KDM2A: variants seen among roughly 807,000 people sequenced by gnomAD.
KDM2A encodes the protein lysine-specific demethylase 2A.
Under a neutral mutation model 137.3 loss-of-function variants are expected in KDM2A, and 3 were observed. The observed-to-expected ratio is 0.02, with a 90% CI of 0.01 to 0.06. The LOEUF is 0.06. Ranked by LOEUF, KDM2A falls within the 10% of genes least tolerant of loss-of-function variation. The probability of loss-of-function intolerance (pLI) is 1.00; values close to 1 mark genes in which losing one functional copy is unlikely to be tolerated. For synonymous variants in KDM2A, 512 were observed against 541.5 expected (o/e 0.95, Z 0.76); for missense variants, 738 against 1,510.6 (o/e 0.49, Z 8.48).
At chr11:67,231,543 G>A (rs1395440652) in intron 11 of KDM2A, 23 bp from the exon 12 acceptor site, 29 of 1,556,566 alleles carry the variant, frequency 1.9e-5, no homozygotes, top group Non-Finnish European at 2.4e-5. Context: ...TGTTCTTACT[G>A]CATTTTTTCT....
intron 5 of KDM2A, among the ~76,000 whole-genome samples, chr11:67,194,502 A>G (rs1283248532): frequency 6.6e-6 from 1 of 152,226 alleles, no homozygotes; most frequent in Non-Finnish European, 1.5e-5. Context: ...GTGGACCCTG[A>G]AAACATTATC....
At chr11:67,130,453 T>C (rs892689931) in intron 2 of KDM2A, among the ~76,000 whole-genome samples, 2 of 152,200 alleles carry the variant, frequency 1.3e-5, no homozygotes, top group Non-Finnish European at 2.9e-5. Context: ...CCTTAAGCTC[T>C]CCTGTTCTAA....
In KDM2A at chr11:67,246,017, C is replaced by T. The variant is rs749894685; in HGVS notation, c.1866C>T (p.Leu622=). The T allele has an allele frequency of 4.3e-6, 7 of 1,614,024 alleles. No individual in the cohort carries two copies. Among genetic ancestry groups the T allele is most frequent in the South Asian group, 1.1e-5 (1 of 91,086 alleles). ...PRLPHSVTCS[L]CGEVDQNEET... ...TGCCTCACTCAGTCACATGTTCCCTCTGTGGAGAGGTGGATCAGAATGAAG... is the reference window on the plus strand; with the variant it reads ...TGCCTCACTCAGTCACATGTTCCCTTTGTGGAGAGGTGGATCAGAATGAAG... The change falls in exon 15 of 21, where the codon CTC becomes CTT. Residue 622 remains leucine (L), a synonymous_variant. Transcript: ENST00000529006.
chr11:67,123,438 A>G (rs896537166), intron 2 of KDM2A, among the ~76,000 whole-genome samples: 4 of 152,094 alleles, frequency 2.6e-5, no homozygotes, highest in African/African-American at 9.7e-5. Flanking sequence ...CTAACTTTGT[A>G]GAAATTAAGC....
intron 17 of KDM2A, among the ~76,000 whole-genome samples, chr11:67,251,192 A>G (rs1177818404): frequency 6.6e-6 from 1 of 152,180 alleles, no homozygotes; most frequent in Non-Finnish European, 1.5e-5. Flanking sequence ...TGGTGCTGAT[A>G]ACACAGATAA....
At chr11:67,177,926 A>C (rs1857005363) in intron 2 of KDM2A, among the ~76,000 whole-genome samples, 1 of 152,182 alleles carries the variant, frequency 6.6e-6, no homozygotes, top group Non-Finnish European at 1.5e-5. Flanking sequence ...CTAAGAGATA[A>C]GCATTTTTTA....
At position 67,243,051 on chromosome 11, in the gene KDM2A, C is replaced by T. The variant is rs773662076; in HGVS notation, c.1522C>T (p.Leu508Phe). The T allele has an allele frequency of 2.8e-5, 45 of 1,613,692 alleles. No homozygotes were observed. The Admixed American group carries it at 4.0e-4, about 14-fold the overall frequency. ...ELANSDPKLALTGVPIVQWPK... is the reference protein window; with the variant it reads ...ELANSDPKLAFTGVPIVQWPK... ...TGCCAACAGCGATCCCAAGTTAGCC[C>T]TCACTGGAGTTCCTATAGTACAGTG... The change falls in exon 13 of 21, where the codon CTC becomes TTC. Residue 508 changes from leucine (L) to phenylalanine (F), a missense_variant. Transcript: ENST00000529006.
At chr11:67,158,238 A>G (rs757339138) in intron 2 of KDM2A, among the ~76,000 whole-genome samples, 3 of 152,296 alleles carry the variant, frequency 2.0e-5, no homozygotes, top group South Asian at 2.1e-4. Flanking sequence ...TGGTTCCTCC[A>G]TGTCTCTTTG....
intron 11 of KDM2A, among the ~76,000 whole-genome samples, chr11:67,231,218 TA>T (rs1055431814): frequency 6.6e-6 from 1 of 152,140 alleles, no homozygotes; most frequent in African/African-American, 2.4e-5. Flanking sequence ...TTTTAAAAGG[TA>T]ATGAAATAAT....
intron 13 of KDM2A, among the ~76,000 whole-genome samples, chr11:67,244,766 A>T (rs1016855788): frequency 6.6e-6 from 1 of 152,138 alleles, no homozygotes; most frequent in African/African-American, 2.4e-5. Flanking sequence ...CGGGCAGATC[A>T]CGAGGTCAGG....
At chr11:67,169,759 C>CTCTCTCTCTCTCTCTCTCTCTCT (rs756503460) in intron 2 of KDM2A, among the ~76,000 whole-genome samples, 1 of 65,696 alleles carries the variant, frequency 1.5e-5, no homozygotes, top group Non-Finnish European at 2.4e-5. Flanking sequence ...CTCTCTCTCT[C>CTCTCTCTCTCTCTCTCTCTCTCT]TTTTTTTTTT....
chr11:67,121,228 C>T lies in KDM2A; in HGVS notation c.-83-6C>T. On this transcript the variant is annotated splice_polypyrimidine_tract_variant and splice_region_variant and intron_variant, in intron 1 of 20. Coordinates refer to ENST00000529006, the MANE Select transcript of KDM2A (RefSeq NM_012308.3). ...TCTCATTTCTGCTTATATCATTATT[C>T]TTTAGTGTTGCAATCTGGTTCCTAA... 2 of 904,448 alleles carry T rather than the reference C, an allele frequency of 2.2e-6. No individual in the cohort carries two copies. Among genetic ancestry groups the T allele is most frequent in the Non-Finnish European group, 3.6e-6 (2 of 548,824 alleles). The allele number at this position is 904,448 out of a possible 1,614,324, so 56.0% of individuals were successfully genotyped here. A position where few individuals can be genotyped will look rare whatever the true frequency, so the allele number is the denominator to read the frequency against.
chr11:67,135,414 T>C (rs1045863516), intron 2 of KDM2A, among the ~76,000 whole-genome samples: 1 of 152,106 alleles, frequency 6.6e-6, no homozygotes, highest in Non-Finnish European at 1.5e-5. Context: ...GAGATAAAAG[T>C]TGTGGTGCTG....
At chr11:67,171,631 C>G (rs12420594) in intron 2 of KDM2A, among the ~76,000 whole-genome samples, 5,606 of 152,332 alleles carry the variant, frequency 0.037, 432 homozygotes, top group Admixed American at 0.18. Flanking sequence ...CTTGGGTCAG[C>G]TTTACCTTTC....
chr11:67,125,265 C>T (rs1175397447), intron 2 of KDM2A, among the ~76,000 whole-genome samples: 1 of 151,304 alleles, frequency 6.6e-6, no homozygotes, highest in Non-Finnish European at 1.5e-5. Context: ...ATTGCAGCCT[C>T]GACATCCTGG....
Position 67,250,352 on chromosome 11 carries a change from G to A in KDM2A, c.2322G>A (p.Arg774=). The change falls in exon 17 of 21, where the codon CGG becomes CGA. Residue 774 remains arginine, a synonymous_variant. Coordinates refer to ENST00000529006, the MANE Select transcript of KDM2A (RefSeq NM_012308.3). The surrounding 1 kb of genome is among the most constrained non-coding windows in gnomAD (Gnocchi z 7.1). ...AGGCCACAGAGCGCACCATGGTACG[G>A]GAAAAGGAGAACAATCCCAGCGGCA... ...RLQATERTMV[R]EKENNPSGKK... 6.2e-7 allele frequency: 1 copy of A among 1,613,958 alleles called. No individual in the cohort carries two copies. The highest frequency in any genetic ancestry group is 8.5e-7 in the Non-Finnish European group (1 of 1,179,894).
intron 5 of KDM2A, among the ~76,000 whole-genome samples, chr11:67,189,136 A>G (rs756805805): frequency 6.6e-6 from 1 of 152,212 alleles, no homozygotes; most frequent in Non-Finnish European, 1.5e-5. Flanking sequence ...TATGTAGGAC[A>G]TTTTCCAGGA....
intron 5 of KDM2A, among the ~76,000 whole-genome samples, chr11:67,192,924 G>A (rs1293173744): frequency 6.6e-6 from 1 of 152,144 alleles, no homozygotes; most frequent in Non-Finnish European, 1.5e-5. Flanking sequence ...TCAAGTAGGA[G>A]AGTGTCCTTT....
chr11:67,245,097 G>A lies in KDM2A; in HGVS notation c.1564-92G>A. The A allele has an allele frequency of 6.9e-7, 1 of 1,450,826 alleles. No individual in the cohort carries two copies. Among genetic ancestry groups the A allele is most frequent in the Non-Finnish European group, 9.4e-7 (1 of 1,068,128 alleles). 89.9% of individuals were successfully genotyped at this position (1,450,826 alleles called of 1,614,324 possible). On this transcript the variant is annotated intron_variant, in intron 13 of 20. Transcript: ENST00000529006. This position sits in a 1 kb window ranked among gnomAD's most constrained non-coding sequence, Gnocchi z 4.1. The stretch of plus-strand genomic sequence containing the variant: ...GGCAGATCTGGCCATAGTGGGCCAA[G>A]CCCCAGGCTAGGTATGCTACCATGT...
Sources: allele counts gnomAD v4.1 joint callset (sites outside exome capture counted in the v4.1 genomes callset), GRCh38; gene constraint gnomAD v4.1.1; non-coding constraint Gnocchi (gnomAD v3.1); transcripts MANE v1.5; gene names NCBI Gene and HGNC (gene_info 2026-07-23, HGNC 2026-07-21).